The following MEI4 variants were observed in gnomAD, a reference collection of about 807,000 sequenced individuals.
MEI4 encodes meiotic double-stranded break formation protein 4.
Under a neutral mutation model 31.4 loss-of-function variants are expected in MEI4, and 27 were observed. The observed-to-expected ratio is 0.86, with a 90% CI of 0.63 to 1.19. MEI4 has a LOEUF of 1.19. Ranked by LOEUF, MEI4 falls within the 50% of genes most tolerant of loss-of-function variation. The probability of loss-of-function intolerance (pLI) is 0.00; values close to 1 mark genes in which losing one functional copy is unlikely to be tolerated. For missense variants in MEI4, 329 were observed against 398.9 expected (o/e 0.82, Z 1.49); for synonymous variants, 122 against 145.4 (o/e 0.84, Z 1.16).
At chr6:77,709,926 G>A (rs373613955) in intron 2 of MEI4, among the ~76,000 whole-genome samples, 5 of 151,984 alleles carry the variant, frequency 3.3e-5, no homozygotes, top group Non-Finnish European at 7.4e-5. Context: ...TTTGTCTTCC[G>A]AGCAGAAATC....
At chr6:77,736,592 C>G (rs924762549) in intron 2 of MEI4, among the ~76,000 whole-genome samples, 1 of 152,110 alleles carries the variant, frequency 6.6e-6, no homozygotes, top group Non-Finnish European at 1.5e-5. Flanking sequence ...AATCATTCGT[C>G]TTCTGCGTCG....
chr6:77,734,199 C>T (rs1358415190), intron 2 of MEI4, among the ~76,000 whole-genome samples: 2 of 151,988 alleles, frequency 1.3e-5, no homozygotes, highest in Non-Finnish European at 2.9e-5. Context: ...CTTTCTGTCT[C>T]ATGATCTGTC....
At chr6:77,910,980 G>A (rs1382226995) in intron 4 of MEI4, among the ~76,000 whole-genome samples, 6 of 148,964 alleles carry the variant, frequency 4.0e-5, no homozygotes, top group East Asian at 2.0e-4. Flanking sequence ...GGAATGAGAC[G>A]GATCACATTG....
chr6:77,889,530 G>A (rs989669612), intron 4 of MEI4, among the ~76,000 whole-genome samples: 3 of 152,162 alleles, frequency 2.0e-5, no homozygotes, highest in African/African-American at 7.2e-5. Flanking sequence ...AGAGGTGACA[G>A]AGTATAAAAG....
intron 3 of MEI4, among the ~76,000 whole-genome samples, chr6:77,764,102 A>G (rs928643899): frequency 6.6e-6 from 1 of 151,906 alleles, no homozygotes; most frequent in African/African-American, 2.4e-5. Context: ...GTGAACCACC[A>G]CACCCGGCCT....
chr6:77,884,404 G>A (rs1176906557), intron 4 of MEI4, among the ~76,000 whole-genome samples: 1 of 152,002 alleles, frequency 6.6e-6, no homozygotes, highest in Non-Finnish European at 1.5e-5. Flanking sequence ...TTGTGATTTT[G>A]AATTTATAGC....
At chr6:77,869,668 A>C (rs1209289221) in intron 4 of MEI4, among the ~76,000 whole-genome samples, 1 of 152,150 alleles carries the variant, frequency 6.6e-6, no homozygotes, top group South Asian at 2.1e-4. Context: ...ATATTTTGCT[A>C]TAGTGGTCCT....
intron 3 of MEI4, among the ~76,000 whole-genome samples, chr6:77,802,402 A>G (rs1056664088): frequency 5.9e-5 from 9 of 152,264 alleles, no homozygotes; most frequent in African/African-American, 1.9e-4. Flanking sequence ...ACATCACACT[A>G]ATGGGTCTTG....
chr6:77,862,661 C>G lies in MEI4; in HGVS notation c.900+33599C>G, dbSNP rs143468507. ...TCCACCTCTGGGGGCAGGGCATAGC[C>G]AAACAAAAGGCAGCAGAAACCTCTG... is the stretch of plus-strand genomic sequence containing the variant. On this transcript the variant is annotated intron_variant, in intron 4 of 4. Coordinates refer to ENST00000684080, the MANE Select transcript of MEI4 (RefSeq NM_001322247.2). Among the ~76,000 whole-genome samples the G allele has an allele frequency of 3.3e-3, 497 of 152,298 alleles. 2 individuals carry two copies. Among genetic ancestry groups the G allele is most frequent in the African/African-American group, 0.012 (486 of 41,580 alleles).
chr6:77,678,861 A>G (rs1434753944), intron 1 of MEI4, among the ~76,000 whole-genome samples: 1 of 152,178 alleles, frequency 6.6e-6, no homozygotes, highest in Non-Finnish European at 1.5e-5. Context: ...GAGGTTGAAG[A>G]CATTGATATT....
chr6:77,870,996 T>C (rs1208624167), intron 4 of MEI4, among the ~76,000 whole-genome samples: 2 of 152,178 alleles, frequency 1.3e-5, no homozygotes, highest in African/African-American at 4.8e-5. Flanking sequence ...AAAGAAGACT[T>C]TTATAGTAAT....
At chr6:77,736,753 G>A (rs1200627266) in intron 2 of MEI4, among the ~76,000 whole-genome samples, 1 of 152,064 alleles carries the variant, frequency 6.6e-6, no homozygotes, top group Non-Finnish European at 1.5e-5. Context: ...AGTCTAGTGA[G>A]GGTAAGATTA....
At chr6:77,796,099 A>G (rs1347956250) in intron 3 of MEI4, among the ~76,000 whole-genome samples, 5 of 152,234 alleles carry the variant, frequency 3.3e-5, no homozygotes, top group Non-Finnish European at 5.9e-5. Context: ...TGATTTCATT[A>G]TAACCACATT....
intron 2 of MEI4, among the ~76,000 whole-genome samples, chr6:77,745,746 AG>A (rs1396213663): frequency 6.6e-6 from 1 of 152,180 alleles, no homozygotes; most frequent in Non-Finnish European, 1.5e-5. Flanking sequence ...CAAATGTAAA[AG>A]AACAGAAATT....
chr6:77,919,521 CACTA>C (rs1766650285), intron 4 of MEI4, among the ~76,000 whole-genome samples: 1 of 151,860 alleles, frequency 6.6e-6, no homozygotes, highest in Non-Finnish European at 1.5e-5. Context: ...AAATTTATAG[CACTA>C]AATACCCACA....
chr6:77,658,062 G>T (rs978745226), intron 1 of MEI4, among the ~76,000 whole-genome samples: 2 of 152,234 alleles, frequency 1.3e-5, no homozygotes, highest in African/African-American at 2.4e-5. Flanking sequence ...CAGGCTTTGT[G>T]TGAGCAATAA....
At chr6:77,821,627 C>G (rs1769827618) in intron 3 of MEI4, among the ~76,000 whole-genome samples, 1 of 151,738 alleles carries the variant, frequency 6.6e-6, no homozygotes, top group Non-Finnish European at 1.5e-5. Context: ...GAAACCCTGT[C>G]TCTACTAAAA....
chr6:77,721,865 A>G (rs1026033488), intron 2 of MEI4, among the ~76,000 whole-genome samples: 11 of 104,676 alleles, frequency 1.1e-4, no homozygotes, highest in African/African-American at 4.0e-4. Flanking sequence ...AGAAATGTAT[A>G]ACAGTCAATT....
chr6:77,683,913 T>G (rs932390077), intron 1 of MEI4, among the ~76,000 whole-genome samples: 2 of 152,196 alleles, frequency 1.3e-5, no homozygotes, highest in Admixed American at 6.5e-5. Context: ...GTAAGATTGC[T>G]GAATCATATG....
Sources: allele counts gnomAD v4.1 joint callset (sites outside exome capture counted in the v4.1 genomes callset), GRCh38; gene constraint gnomAD v4.1.1; transcripts MANE v1.5; gene names NCBI Gene and HGNC (gene_info 2026-07-23, HGNC 2026-07-21).